Variants in SCARB2 observed in about 807,000 individuals in gnomAD.
SCARB2 encodes scavenger receptor class B member 2.
A neutral mutation model predicts 58.6 loss-of-function variants in SCARB2; 29 were observed. That is an observed-to-expected ratio of 0.49 (90% confidence interval 0.37 to 0.67). The LOEUF (loss-of-function observed/expected upper bound fraction) is 0.67. SCARB2 is among the 30% of genes least tolerant of loss of function. SCARB2 has a pLI of 0.00. For missense variants in SCARB2, 488 were observed against 578.5 expected (o/e 0.84, Z 1.60); for synonymous variants, 195 against 210.1 (o/e 0.93, Z 0.62).
rs1279454491 is a variant in SCARB2 at position 76,183,683 on chromosome 4, A to AT, written c.276-2583dup. Among the ~76,000 whole-genome samples, 13 of 152,288 alleles carry AT rather than the reference A, an allele frequency of 8.5e-5. No homozygotes were observed. In the Middle Eastern group the frequency reaches 0.01, roughly 120 times the overall value. ...GGCATGATTGATTAAATCACTGGCC[A>AT]TTTGTGATCAACCCAACTTTCAGCC... On this transcript the variant is annotated intron_variant, in intron 2 of 11. Transcript: ENST00000264896.
At chr4:76,182,481 A>C (rs1293554058) in intron 2 of SCARB2, among the ~76,000 whole-genome samples, 1 of 152,194 alleles carries the variant, frequency 6.6e-6, no homozygotes, top group Non-Finnish European at 1.5e-5. Context: ...TGGCTACTAG[A>C]AAATCTTAAA....
chr4:76,189,712 T>C (rs1732563517), intron 2 of SCARB2, among the ~76,000 whole-genome samples: 1 of 152,148 alleles, frequency 6.6e-6, no homozygotes, highest in African/African-American at 2.4e-5. Context: ...CCTCAAGTGA[T>C]CTGCCTACCT....
chr4:76,197,393 G>A (rs1732735701), intron 1 of SCARB2, among the ~76,000 whole-genome samples: 1 of 152,198 alleles, frequency 6.6e-6, no homozygotes, highest in Admixed American at 6.5e-5. Context: ...TTGGAAAAGA[G>A]AAGAGCAGGC....
intron 6 of SCARB2, 111 bp from the exon 7 acceptor site, chr4:76,174,424 G>A: frequency 1.1e-6 from 1 of 913,810 alleles, no homozygotes; most frequent in Non-Finnish European, 1.8e-6. Flanking sequence ...AAGCTCACAG[G>A]GTAAGTAGAA....
At chr4:76,168,296 G>A (rs1022124038) in intron 9 of SCARB2, 107 bp downstream of exon 9, 3 of 860,084 alleles carry the variant, frequency 3.5e-6, no homozygotes, top group Non-Finnish European at 6.1e-6. Context: ...AAGGGCAGGG[G>A]TGAGCAGGCT....
chr4:76,185,332 G>C (rs4859626), intron 2 of SCARB2, among the ~76,000 whole-genome samples: 54,853 of 152,050 alleles, frequency 0.36, 12,929 homozygotes, highest in African/African-American at 0.66. Context: ...GAAATACAAA[G>C]AAGAGTTTGA....
intron 2 of SCARB2, among the ~76,000 whole-genome samples, chr4:76,190,574 A>C (rs1017144612): frequency 5.3e-5 from 8 of 152,058 alleles, no homozygotes; most frequent in Non-Finnish European, 1.2e-4. Context: ...ACTTGAGACC[A>C]GGAGTTCGAG....
At chr4:76,170,892 GTTT>G (rs1050306829) in intron 7 of SCARB2, among the ~76,000 whole-genome samples, 1 of 150,574 alleles carries the variant, frequency 6.6e-6, no homozygotes, top group African/African-American at 2.4e-5. Flanking sequence ...AGATTCTGGG[GTTT>G]TTCCTTTCCT....
chr4:76,192,684 A>G (rs1401785033), intron 2 of SCARB2: 1 of 143,742 alleles, frequency 7.0e-6, no homozygotes, highest in East Asian at 2.1e-4. Context: ...TCTGTCTCAA[A>G]AAAAAAAAAA....
intron 8 of SCARB2, among the ~76,000 whole-genome samples, chr4:76,169,133 G>A (rs1046197006): frequency 6.6e-5 from 10 of 152,032 alleles, no homozygotes; most frequent in African/African-American, 2.2e-4. Flanking sequence ...AAGATCACTG[G>A]TTTCTCAGAT....
chr4:76,164,200 C>CT (rs1363016439), intron 10 of SCARB2: 2 of 152,236 alleles, frequency 1.3e-5, no homozygotes, highest in East Asian at 3.9e-4. Context: ...CAATTCTGGC[C>CT]TAGTTTAGGC....
intron 1 of SCARB2, among the ~76,000 whole-genome samples, chr4:76,224,061 T>C (rs1733353008): frequency 6.6e-6 from 1 of 152,174 alleles, no homozygotes; most frequent in African/African-American, 2.4e-5. Flanking sequence ...CAATTTATTA[T>C]TGAATAGGTA....
chr4:76,190,614 T>C (rs866432010), intron 2 of SCARB2, among the ~76,000 whole-genome samples: 84 of 152,182 alleles, frequency 5.5e-4, no homozygotes, highest in African/African-American at 1.9e-3. Flanking sequence ...TGAAACCTTG[T>C]CTCTACTAAA....
rs1050123478 is a variant in SCARB2, at chr4:76,161,015, C to G, written c.*698G>C. 6.6e-6 allele frequency: 1 copy of G among 152,506 alleles called. No individual in the cohort carries two copies. Among genetic ancestry groups the G allele is most frequent in the Non-Finnish European group, 1.5e-5 (1 of 68,192 alleles). 9.4% of individuals were successfully genotyped at this position (152,506 alleles called of 1,614,324 possible). A position where few individuals can be genotyped will look rare whatever the true frequency, so the allele number is the denominator to read the frequency against. ...ACCAACATTATTTATGCATTCTCTT[C>G]GTTCACAAAAGTACAAGTTAAAAAT... On this transcript the variant is annotated 3_prime_UTR_variant, in exon 12 of 12. Coordinates refer to ENST00000264896, the MANE Select transcript of SCARB2 (RefSeq NM_005506.4).
At chr4:76,219,476 G>A (rs1333724418) in intron 1 of SCARB2, among the ~76,000 whole-genome samples, 2 of 152,212 alleles carry the variant, frequency 1.3e-5, no homozygotes, top group Non-Finnish European at 2.9e-5. Context: ...GAAATATCAA[G>A]GCTGTCTGAT....
chr4:76,189,010 C>T (rs77813457), intron 2 of SCARB2, among the ~76,000 whole-genome samples: 3,513 of 152,232 alleles, frequency 0.023, 122 homozygotes, highest in African/African-American at 0.08. Flanking sequence ...AAAGTAACTG[C>T]GTTTTTTGTC....
chr4:76,213,743 C>T lies in SCARB2; in HGVS notation c.-200G>A, dbSNP rs1733130856. The stretch of plus-strand genomic sequence containing the variant: ...CCCCGGGTGCACCGGGCGGATGGGG[C>T]CGCGGAGGGACGGGCCCGGACTCGG... On this transcript the variant is annotated 5_prime_UTR_variant, in exon 1 of 12. Transcript: ENST00000264896. 1 of 473,138 alleles carries T rather than the reference C, an allele frequency of 2.1e-6. No homozygotes were observed. Among genetic ancestry groups the T allele is most frequent in the South Asian group, 2.9e-5 (1 of 33,960 alleles). The allele number at this position is 473,138 out of a possible 1,614,324, so 29.3% of individuals were successfully genotyped here.
chr4:76,161,860 G>C, intron 11 of SCARB2, 109 bp from the exon 12 acceptor site: 1 of 1,012,530 alleles, frequency 9.9e-7, no homozygotes, highest in Non-Finnish European at 1.5e-6. Flanking sequence ...GAGACCTATA[G>C]GAAGGTGGCT....
chr4:76,193,067 AG>A (rs1319120753), intron 2 of SCARB2: 1 of 152,332 alleles, frequency 6.6e-6, no homozygotes, highest in Non-Finnish European at 1.5e-5. Context: ...GGACCAGGCC[AG>A]GGGCACTACT....
Sources: allele counts gnomAD v4.1 joint callset (sites outside exome capture counted in the v4.1 genomes callset), GRCh38; gene constraint gnomAD v4.1.1; transcripts MANE v1.5; gene names NCBI Gene and HGNC (gene_info 2026-07-23, HGNC 2026-07-21).